Variants in CNTLN observed in about 807,000 individuals in gnomAD.
CNTLN encodes centlein.
A neutral mutation model predicts 180.0 loss-of-function variants in CNTLN; 212 were observed. That is an observed-to-expected ratio of 1.18 (90% CI 1.05 to 1.32). The LOEUF (loss-of-function observed/expected upper bound fraction) is 1.32. Among genes scored for constraint, CNTLN ranks in the 40% most tolerant of loss-of-function variants. The probability of loss-of-function intolerance (pLI) is 0.00; values close to 1 mark genes in which losing one functional copy is unlikely to be tolerated. For synonymous variants in CNTLN, 722 were observed against 563.1 expected (o/e 1.28, Z -3.99); for missense variants, 2,095 against 1,610.9 (o/e 1.30, Z -5.14).
chr9:17,233,470 T>TA (rs1026005390), intron 3 of CNTLN, among the ~76,000 whole-genome samples: 2 of 152,106 alleles, frequency 1.3e-5, no homozygotes, highest in African/African-American at 2.4e-5. Flanking sequence ...ATAATCCGTT[T>TA]AAAAAAATGC....
intron 3 of CNTLN, among the ~76,000 whole-genome samples, chr9:17,227,323 TATATGTA>T (rs1824536414): frequency 6.6e-6 from 1 of 151,764 alleles, no homozygotes; most frequent in African/African-American, 2.4e-5. Flanking sequence ...TAATTATATG[TATATGTA>T]ATATGTAAAA....
At chr9:17,487,089 A>G (rs748879384) in intron 25 of CNTLN, 23 bp downstream of exon 25, 7 of 1,474,974 alleles carry the variant, frequency 4.7e-6, no homozygotes, top group South Asian at 2.3e-5. Flanking sequence ...TCTGTTTCAT[A>G]TATTAAGCTT....
At position 17,135,247 on chromosome 9, in the gene CNTLN, A is replaced by C. The variant is rs766102520; in HGVS notation, c.182A>C (p.Glu61Ala). ...AGTGATAAAATCTGGGTGGGTGAAG[A>C]AGGGTCAGGGGGCCGGCGAGGGCCT... ...DESDKIWVGE[E>A]GSGGRRGPGG... Residue 61 changes from glutamate (E) to alanine (A), a missense_variant, in exon 1 of 26, where the codon GAA (glutamate) becomes GCA (alanine). By Grantham distance (107) the Glu-to-Ala change is moderately radical (BLOSUM62 -1). Transcript: ENST00000380647. 4 of 1,607,170 alleles carry C rather than the reference A, an allele frequency of 2.5e-6. No homozygotes were observed. In the Admixed American group the frequency reaches 5.1e-5, roughly 20 times the overall value.
chr9:17,247,782 T>TA lies in CNTLN; in HGVS notation c.849+11194_849+11195insA, dbSNP rs1313043638. Among the ~76,000 whole-genome samples, 455 of 149,200 alleles carry TA rather than the reference T, an allele frequency of 3.0e-3. 5 individuals are homozygous for TA. The highest frequency in any genetic ancestry group is 0.011 in the African/African-American group (438 of 40,402). ...TGGATTTTGCCAAATACTTTTACTT[T>TA]TTTTTTTTTTTTTGCATCTATTGAA... On this transcript the variant is annotated intron_variant, in intron 5 of 25. Coordinates refer to ENST00000380647, the MANE Select transcript of CNTLN (RefSeq NM_017738.4).
intron 10 of CNTLN, among the ~76,000 whole-genome samples, chr9:17,337,672 T>C (rs1821146652): frequency 6.6e-6 from 1 of 152,202 alleles, no homozygotes; most frequent in Admixed American, 6.5e-5. Flanking sequence ...TTAGTTTCTA[T>C]GGACAATTAG....
At chr9:17,218,303 A>G (rs113840918) in intron 2 of CNTLN, among the ~76,000 whole-genome samples, 4,204 of 152,284 alleles carry the variant, frequency 0.028, 200 homozygotes, top group African/African-American at 0.095. Flanking sequence ...ACATGAATTA[A>G]GATCTGTTGA....
intron 19 of CNTLN, among the ~76,000 whole-genome samples, chr9:17,460,933 G>T (rs533479478): frequency 5.3e-5 from 8 of 151,636 alleles, no homozygotes; most frequent in Admixed American, 4.0e-4. Flanking sequence ...TAGGATGATT[G>T]TTTTTAGGCA....
intron 5 of CNTLN, among the ~76,000 whole-genome samples, chr9:17,243,093 C>T (rs1290610934): frequency 6.6e-6 from 1 of 152,086 alleles, no homozygotes; most frequent in Non-Finnish European, 1.5e-5. Context: ...TTTGTCTATT[C>T]TAGATTTTTG....
intron 25 of CNTLN, among the ~76,000 whole-genome samples, chr9:17,502,207 T>G (rs2248136): frequency 0.82 from 124,805 of 152,190 alleles, 55,270 homozygotes; most frequent in Non-Finnish European, 0.97. Flanking sequence ...TGGGCCCGTG[T>G]GCCCTAGAGA....
intron 13 of CNTLN, among the ~76,000 whole-genome samples, chr9:17,387,383 T>C (rs563639251): frequency 1.3e-5 from 2 of 152,298 alleles, no homozygotes; most frequent in Non-Finnish European, 2.9e-5. Flanking sequence ...TAAGAAAATG[T>C]TAGTAAAATT....
chr9:17,528,187 T>C, the CNTLN span, among the ~76,000 whole-genome samples: 1 of 152,180 alleles, frequency 6.6e-6, no homozygotes, highest in Non-Finnish European at 1.5e-5. Context: ...AGTGACTTTT[T>C]CCTGAAGAAC....
intron 2 of CNTLN, chr9:17,166,866 A>G (rs1274682086): frequency 4.3e-6 from 2 of 460,638 alleles, no homozygotes; most frequent in Non-Finnish European, 8.9e-6. Context: ...ATACCAAAAA[A>G]GATAAAAAGT....
intron 6 of CNTLN, among the ~76,000 whole-genome samples, chr9:17,276,729 T>G (rs1432616637): frequency 6.6e-6 from 1 of 152,152 alleles, no homozygotes; most frequent in Non-Finnish European, 1.5e-5. Flanking sequence ...TGGCAGTATT[T>G]GCACATAACT....
intron 12 of CNTLN, among the ~76,000 whole-genome samples, chr9:17,342,928 C>G (rs1397898119): frequency 6.6e-6 from 1 of 152,182 alleles, no homozygotes; most frequent in Admixed American, 6.5e-5. Flanking sequence ...GCTGTCCAAG[C>G]TAATTACTGG....
At chr9:17,233,979 G>A (rs1195750232) in intron 3 of CNTLN, among the ~76,000 whole-genome samples, 1 of 152,096 alleles carries the variant, frequency 6.6e-6, no homozygotes, top group Non-Finnish European at 1.5e-5. Context: ...AGATATCAAA[G>A]ATAATGGTAC....
intron 2 of CNTLN, among the ~76,000 whole-genome samples, chr9:17,149,731 A>C (rs576419814): frequency 1.3e-5 from 2 of 151,694 alleles, no homozygotes; most frequent in Non-Finnish European, 2.9e-5. Flanking sequence ...GTTAGCCAGG[A>C]TGGTCTCGAT....
intron 2 of CNTLN, among the ~76,000 whole-genome samples, chr9:17,153,129 T>A (rs986625105): frequency 2.6e-5 from 4 of 152,208 alleles, no homozygotes; most frequent in African/African-American, 9.7e-5. Flanking sequence ...AGTCTGTGTC[T>A]TTTAATTGGG....
intron 2 of CNTLN, among the ~76,000 whole-genome samples, chr9:17,212,855 G>A (rs1823431611): frequency 6.6e-6 from 1 of 152,174 alleles, no homozygotes; most frequent in African/African-American, 2.4e-5. Flanking sequence ...TGTGTTTATA[G>A]TATTCTCTGA....
chr9:17,372,618 T>C (rs1824419475), intron 13 of CNTLN, among the ~76,000 whole-genome samples: 2 of 152,118 alleles, frequency 1.3e-5, no homozygotes, highest in African/African-American at 4.8e-5. Context: ...ACTTTCAAAC[T>C]CATTCTACAA....
Sources: allele counts gnomAD v4.1 joint callset (sites outside exome capture counted in the v4.1 genomes callset), GRCh38; gene constraint gnomAD v4.1.1; transcripts MANE v1.5; gene names NCBI Gene and HGNC (gene_info 2026-07-23, HGNC 2026-07-21).